PTPRE: variants seen among roughly 807,000 people sequenced by gnomAD.
PTPRE encodes the protein protein tyrosine phosphatase receptor type E.
PTPRE carries 51 observed loss-of-function variants against 102.0 expected under a neutral mutation model. That is an observed-to-expected ratio of 0.50 (90% CI 0.40 to 0.63). The LOEUF (loss-of-function observed/expected upper bound fraction) is 0.63, where lower values mean the gene tolerates loss of function less well. Among genes scored for constraint, PTPRE ranks in the 30% least tolerant of loss-of-function variants. The pLI is 0.00. For synonymous variants in PTPRE, 345 were observed against 348.2 expected (o/e 0.99, Z 0.10); for missense variants, 752 against 915.1 (o/e 0.82, Z 2.30).
intron 1 of PTPRE, among the ~76,000 whole-genome samples, chr10:127,935,733 T>G (rs78963078): frequency 0.061 from 9,259 of 152,050 alleles, 338 homozygotes; most frequent in Middle Eastern, 0.078. Flanking sequence ...GGCTGCCGTG[T>G]CCCCTCAGTG....
At chr10:128,006,968 G>A (rs1381147659) in intron 2 of PTPRE, among the ~76,000 whole-genome samples, 2 of 152,264 alleles carry the variant, frequency 1.3e-5, no homozygotes, top group South Asian at 2.1e-4. Flanking sequence ...TCCTAGTCAG[G>A]TCAACTCTTA....
rs60034358 is a variant in PTPRE, at chr10:127,990,411, CAAA to C, written c.-8+8135_-8+8137del. Among the ~76,000 whole-genome samples, 132 of 65,718 alleles carry C rather than the reference CAAA, an allele frequency of 2.0e-3. 1 individual carries two copies. Among genetic ancestry groups the C allele is most frequent in the African/African-American group, 7.6e-3 (128 of 16,818 alleles). The allele number at this position is 65,718 out of a possible 152,430, so 43.1% of individuals were successfully genotyped here. On this transcript the variant is annotated intron_variant, in intron 2 of 20. Transcript: ENST00000254667. ...TGGGTGACAGAGCATGACTCCACCTCAAAAAAAAAAAAAAAAAAAAAAGAAAGA... is the reference window on the plus strand; with the variant it reads ...TGGGTGACAGAGCATGACTCCACCTCAAAAAAAAAAAAAAAAAAAGAAAGA...
intron 2 of PTPRE, among the ~76,000 whole-genome samples, chr10:128,003,760 A>G (rs1167088417): frequency 6.6e-6 from 1 of 152,180 alleles, no homozygotes; most frequent in Non-Finnish European, 1.5e-5. Flanking sequence ...CATGCTCACC[A>G]TGTAATTTAG....
rs1279812329 is a variant in PTPRE, at chr10:128,070,561, C to T, written c.1293+111C>T. ...TTCAATCACTTGCCCCTTAACTGAC[C>T]TCAGAAAAAGCAGGGGCAATACCTG... is the stretch of plus-strand genomic sequence containing the variant. On this transcript the variant is annotated intron_variant, in intron 14 of 20. Transcript: ENST00000254667. The surrounding 1 kb of genome is among the most constrained non-coding windows in gnomAD (Gnocchi z 4.8). 7.1e-7 allele frequency: 1 copy of T among 1,402,352 alleles called. No homozygotes were observed. Among genetic ancestry groups the T allele is most frequent in the Non-Finnish European group, 9.5e-7 (1 of 1,050,230 alleles). 86.9% of individuals were successfully genotyped at this position (1,402,352 alleles called of 1,614,324 possible). A position where few individuals can be genotyped will look rare whatever the true frequency, so the allele number is the denominator to read the frequency against.
At chr10:127,951,845 T>G (rs1358791524) in intron 1 of PTPRE, among the ~76,000 whole-genome samples, 1 of 152,228 alleles carries the variant, frequency 6.6e-6, no homozygotes, top group African/African-American at 2.4e-5. Flanking sequence ...CTATTTGGCC[T>G]GTGCAGAAGA....
chr10:128,040,919 G>C lies in PTPRE; in HGVS notation c.38G>C (p.Ser13Thr), dbSNP rs765939778. The C allele has an allele frequency of 1.9e-6, 3 of 1,614,024 alleles. No homozygotes were observed. The highest frequency in any genetic ancestry group is 2.5e-6 in the Non-Finnish European group (3 of 1,179,994). Reference protein sequence around the residue: ...PLCPLLLVGFSLPLARALRGN... With the variant: ...PLCPLLLVGFTLPLARALRGN... The stretch of plus-strand genomic sequence containing the variant: ...TGTCCACTCCTGCTGGTGGGTTTTA[G>C]CTTGCCGCTCGCCAGGGCTCTCAGG... Residue 13 changes from serine (S) to threonine (T), a missense_variant, in exon 3 of 21, where the codon AGC becomes ACC. Physicochemically the swap from Ser to Thr is moderately conservative, Grantham distance 58. Transcript: ENST00000254667.
rs754932856 is a variant in PTPRE at position 128,085,794 on chromosome 10, A to G, written c.*2888A>G. ...CAGTGAATGTTGCTGAACTCTTTGT[A>G]TATGCAAATTGCAAGATTTAAACCA... On this transcript the variant is annotated 3_prime_UTR_variant, in exon 21 of 21. Transcript: ENST00000254667. 6.6e-6 allele frequency: 1 copy of G among 151,610 alleles called. No homozygotes were observed. Among genetic ancestry groups the G allele is most frequent in the Admixed American group, 6.6e-5 (1 of 15,150 alleles). The allele number at this position is 151,610 out of a possible 1,614,324, so 9.4% of individuals were successfully genotyped here.
At position 128,067,083 on chromosome 10, in the gene PTPRE, GGC is replaced by G. The variant is rs1850208198; in HGVS notation, c.843+890_843+891del. Reference sequence around the variant, plus strand: ...ACATGCACACGTACACCCACACACAGGCACACACATGCACACACACGCACACA... The same window carrying G: ...ACATGCACACGTACACCCACACACAGACACACATGCACACACACGCACACA... On this transcript the variant is annotated intron_variant, in intron 11 of 20. Coordinates refer to ENST00000254667, the MANE Select transcript of PTPRE (RefSeq NM_006504.6). Among the ~76,000 whole-genome samples, 4 of 143,924 alleles carry G rather than the reference GGC, an allele frequency of 2.8e-5. No individual in the cohort carries two copies. In the South Asian group the frequency reaches 9.1e-4, roughly 33 times the overall value. The allele number at this position is 143,924 out of a possible 152,430, so 94.4% of individuals were successfully genotyped here. A position where few individuals can be genotyped will look rare whatever the true frequency, so the allele number is the denominator to read the frequency against.
At chr10:128,014,526 G>A (rs908506070) in intron 2 of PTPRE, among the ~76,000 whole-genome samples, 4 of 151,976 alleles carry the variant, frequency 2.6e-5, no homozygotes, top group Admixed American at 6.6e-5. Context: ...CGAGGAGGGC[G>A]GATTTATTTT....
intron 1 of PTPRE, among the ~76,000 whole-genome samples, chr10:127,947,332 A>G (rs531999714): frequency 6.6e-6 from 1 of 152,342 alleles, no homozygotes; most frequent in African/African-American, 2.4e-5. Flanking sequence ...ATTCACGTGC[A>G]TTCAAAACTC....
chr10:128,011,397 T>A (rs890081769), intron 2 of PTPRE, among the ~76,000 whole-genome samples: 11 of 152,238 alleles, frequency 7.2e-5, no homozygotes, highest in African/African-American at 2.7e-4. Context: ...GCAAGGATAC[T>A]GGTTGAGGTG....
At chr10:127,942,367 A>AT (rs757358087) in intron 1 of PTPRE, among the ~76,000 whole-genome samples, 2 of 152,226 alleles carry the variant, frequency 1.3e-5, no homozygotes, top group Non-Finnish European at 2.9e-5. Context: ...TTTTCTTTAA[A>AT]TTGTACGACA....
At chr10:128,039,140 A>G (rs765358201) in intron 2 of PTPRE, among the ~76,000 whole-genome samples, 5 of 152,222 alleles carry the variant, frequency 3.3e-5, no homozygotes, top group Non-Finnish European at 7.4e-5. Context: ...AATTTACTCA[A>G]GTATATTAAA....
chr10:128,078,207 C>T (rs1851393106), intron 19 of PTPRE, among the ~76,000 whole-genome samples: 1 of 152,196 alleles, frequency 6.6e-6, no homozygotes. Context: ...GGATTCCTGG[C>T]CATATGAGGA....
intron 1 of PTPRE, among the ~76,000 whole-genome samples, chr10:127,939,402 A>G (rs150914402): frequency 2.6e-5 from 4 of 152,316 alleles, no homozygotes; most frequent in Non-Finnish European, 4.4e-5. Flanking sequence ...TGAATGAAGT[A>G]TGTGACTTTT....
intron 2 of PTPRE, among the ~76,000 whole-genome samples, chr10:128,030,733 G>A (rs958040724): frequency 2.6e-5 from 4 of 152,146 alleles, no homozygotes; most frequent in African/African-American, 4.8e-5. Flanking sequence ...GAGGGTTGGC[G>A]TTGCCAGGGG....
intron 18 of PTPRE, 41 bp downstream of exon 18, chr10:128,076,769 G>A (rs142277538): frequency 3.7e-6 from 6 of 1,606,852 alleles, no homozygotes; most frequent in Non-Finnish European, 5.1e-6. Context: ...TGAATTTAGT[G>A]AACCACGCCC....
At chr10:128,039,750 G>A (rs1053981897) in intron 2 of PTPRE, among the ~76,000 whole-genome samples, 9 of 152,018 alleles carry the variant, frequency 5.9e-5, no homozygotes, top group African/African-American at 1.9e-4. Flanking sequence ...GCTGCTGGTG[G>A]GGACAGGCTG....
At chr10:127,991,013 G>A (rs1461419581) in intron 2 of PTPRE, among the ~76,000 whole-genome samples, 1 of 152,146 alleles carries the variant, frequency 6.6e-6, no homozygotes, top group Non-Finnish European at 1.5e-5. Flanking sequence ...ATGGTTCCGG[G>A]GGCCGCGTGA....
Sources: gnomAD v4.1 joint callset for allele counts (sites outside exome capture counted in the v4.1 genomes callset) on GRCh38, gnomAD v4.1.1 for gene constraint, Gnocchi (gnomAD v3.1) non-coding constraint, MANE v1.5 for transcripts, NCBI Gene and HGNC (gene_info 2026-07-23, HGNC 2026-07-21) for gene names.